The following NECTIN3 variants were observed in gnomAD, a reference collection of about 807,000 sequenced individuals.
NECTIN3 encodes nectin-3.
A neutral mutation model predicts 49.4 loss-of-function variants in NECTIN3; 8 were observed. The observed-to-expected ratio is 0.16, with a 90% CI of 0.10 to 0.29. NECTIN3 has a LOEUF of 0.29. Among genes scored for constraint, NECTIN3 ranks in the 10% least tolerant of loss-of-function variants. The pLI is 1.00. For missense variants in NECTIN3, 581 were observed against 654.6 expected (o/e 0.89, Z 1.23); for synonymous variants, 277 against 241.1 (o/e 1.15, Z -1.38).
At chr3:111,192,261 A>G (rs2035825718), upstream of NECTIN3, 24 of 1,172,702 alleles carry the variant, frequency 2.0e-5, no homozygotes, top group Non-Finnish European at 2.9e-5. Flanking sequence ...ATAACAAGAC[A>G]TGATTGGCTC....
chr3:111,078,117 G>A (rs558591829), intron 1 of NECTIN3, among the ~76,000 whole-genome samples: 2 of 152,228 alleles, frequency 1.3e-5, no homozygotes, highest in Admixed American at 1.3e-4. Context: ...CACATTTAAT[G>A]CACTTTGTAT....
chr3:111,087,167 A>G (rs1413556038), intron 1 of NECTIN3, among the ~76,000 whole-genome samples: 1 of 152,138 alleles, frequency 6.6e-6, no homozygotes, highest in Non-Finnish European at 1.5e-5. Flanking sequence ...TAAGCATGCC[A>G]TCTATGATGA....
At chr3:111,145,509 CTT>C (rs2034853150) in intron 6 of NECTIN3, among the ~76,000 whole-genome samples, 1 of 151,988 alleles carries the variant, frequency 6.6e-6, no homozygotes, top group African/African-American at 2.4e-5. Context: ...TTTTTGGTGA[CTT>C]ATAAAATATA....
chr3:111,160,326 C>T (rs1264527474), intron 7 of NECTIN3, among the ~76,000 whole-genome samples: 1 of 152,136 alleles, frequency 6.6e-6, no homozygotes, highest in East Asian at 1.9e-4. Flanking sequence ...TTGTGTTTCT[C>T]TCCCTTAAAT....
rs369228755 is a variant in NECTIN3, at chr3:111,178,555, C to T, written c.1222-13796C>T. On this transcript the variant is annotated intron_variant, in intron 7 of 8. Coordinates refer to the NECTIN3 transcript ENST00000493615. ...GAGTCTCATTACTGCTTAAGAAAAG[C>T]CTTGCCTTTGTTTTCCTCTAATTGA... is the stretch of plus-strand genomic sequence containing the variant. Among the ~76,000 whole-genome samples the T allele has an allele frequency of 5.9e-5, 9 of 152,284 alleles. No homozygotes were observed. In the East Asian group the frequency reaches 1.7e-3, roughly 29 times the overall value.
At chr3:111,121,957 A>G (rs1030686466) in intron 3 of NECTIN3, among the ~76,000 whole-genome samples, 164 bp from the exon 4 acceptor site, 13 of 152,186 alleles carry the variant, frequency 8.5e-5, no homozygotes, top group African/African-American at 2.4e-4. Flanking sequence ...CAGTCAGCCA[A>G]TACTTGTGGA....
chr3:111,184,258 A>T (rs146854193), intron 7 of NECTIN3, among the ~76,000 whole-genome samples: 1 of 152,300 alleles, frequency 6.6e-6, no homozygotes, highest in African/African-American at 2.4e-5. Flanking sequence ...ACATATTTAT[A>T]ATAGCCATTT....
intron 4 of NECTIN3, among the ~76,000 whole-genome samples, chr3:111,125,281 G>A (rs1416489075): frequency 6.6e-6 from 1 of 151,610 alleles, no homozygotes; most frequent in African/African-American, 2.4e-5. Flanking sequence ...TGCCCGCCTC[G>A]GCCTCCCAAA....
chr3:111,146,236 C>T (rs905623470), intron 6 of NECTIN3, among the ~76,000 whole-genome samples: 3 of 151,788 alleles, frequency 2.0e-5, no homozygotes, highest in African/African-American at 7.3e-5. Context: ...AGATCGAGAC[C>T]ATCCCGGCTA....
At chr3:111,188,007 A>G (rs965672573), upstream of NECTIN3, among the ~76,000 whole-genome samples, 7 of 152,216 alleles carry the variant, frequency 4.6e-5, no homozygotes, top group Admixed American at 3.9e-4. Context: ...GTATGTTCAT[A>G]GTTGTGGAGG....
intron 7 of NECTIN3, among the ~76,000 whole-genome samples, chr3:111,164,350 T>C (rs1482029712): frequency 6.6e-6 from 1 of 152,190 alleles, no homozygotes; most frequent in East Asian, 1.9e-4. Context: ...TCAACTTTAT[T>C]TCTCTCAACT....
chr3:111,072,447 G>T, intron 1 of NECTIN3: 1 of 1,534,940 alleles, frequency 6.5e-7, no homozygotes, highest in Non-Finnish European at 8.7e-7. Context: ...ATGGTGCTTC[G>T]TGCGCCGAAC....
chr3:111,132,957 C>T (rs2034446385), intron 5 of NECTIN3, among the ~76,000 whole-genome samples: 1 of 151,650 alleles, frequency 6.6e-6, no homozygotes, highest in African/African-American at 2.4e-5. Flanking sequence ...TAAACATATG[C>T]TTTTTTATTT....
intron 5 of NECTIN3, among the ~76,000 whole-genome samples, chr3:111,143,560 A>G (rs555989330): frequency 6.6e-6 from 1 of 152,118 alleles, no homozygotes; most frequent in African/African-American, 2.4e-5. Flanking sequence ...ATATGTATTT[A>G]TATGGGAATA....
Position 111,071,925 on chromosome 3 carries a change from CG to C in NECTIN3, c.-91del, listed in dbSNP as rs1372519062. The stretch of plus-strand genomic sequence containing the variant: ...AGCTGGGAGCTGGGGACGCGCGCGC[CG>C]GACCTTCCACAGCCTCCGCCCAGAG... On this transcript the variant is annotated 5_prime_UTR_variant, in exon 1 of 6. Coordinates refer to ENST00000485303, the MANE Select transcript of NECTIN3 (RefSeq NM_015480.3). 10 of 869,268 alleles carry C rather than the reference CG, an allele frequency of 1.2e-5. No homozygotes were observed. Among genetic ancestry groups the C allele is most frequent in the African/African-American group, 3.8e-5 (2 of 53,258 alleles). 53.8% of individuals were successfully genotyped at this position (869,268 alleles called of 1,614,324 possible). A position where few individuals can be genotyped will look rare whatever the true frequency, so the allele number is the denominator to read the frequency against.
chr3:111,072,501 G>A (rs2030850833), intron 1 of NECTIN3: 8 of 1,535,882 alleles, frequency 5.2e-6, no homozygotes, highest in Non-Finnish European at 7.0e-6. Flanking sequence ...CTCATTCTCT[G>A]GGAACCCTCG....
At chr3:111,106,210 A>G (rs1283114184) in intron 1 of NECTIN3, among the ~76,000 whole-genome samples, 1 of 152,108 alleles carries the variant, frequency 6.6e-6, no homozygotes, top group Non-Finnish European at 1.5e-5. Context: ...CTGTTTCCTC[A>G]TTAAAATGCA....
intron 1 of NECTIN3, among the ~76,000 whole-genome samples, chr3:111,081,507 A>G (rs2031604468): frequency 6.6e-6 from 1 of 152,192 alleles, no homozygotes; most frequent in Non-Finnish European, 1.5e-5. Flanking sequence ...AAATTGGCTA[A>G]ATAATACTTT....
chr3:111,144,848 A>G (rs2034835289), intron 5 of NECTIN3: 3 of 1,491,842 alleles, frequency 2.0e-6, no homozygotes, highest in African/African-American at 1.4e-5. Context: ...ATGCAATTTC[A>G]AGAATTATTT....
Sources: gnomAD v4.1 joint callset for allele counts (sites outside exome capture counted in the v4.1 genomes callset) on GRCh38, gnomAD v4.1.1 for gene constraint, MANE v1.5 for transcripts, NCBI Gene and HGNC (gene_info 2026-07-23, HGNC 2026-07-21) for gene names.